Variants in TMEM255B observed in about 807,000 individuals in gnomAD.
TMEM255B encodes the protein transmembrane protein 255B.
A neutral mutation model predicts 34.5 loss-of-function variants in TMEM255B; 35 were observed. The ratio of observed to expected loss-of-function variants is 1.01; its 90% CI spans 0.77 to 1.34. The LOEUF is 1.34. TMEM255B is among the 40% of genes most tolerant of loss of function. TMEM255B has a pLI of 0.00. For synonymous variants in TMEM255B, 206 were observed against 201.2 expected, an observed-to-expected ratio of 1.02 and a Z score of -0.20; for missense variants, 432 against 433.2, an observed-to-expected ratio of 1.00 and a Z score of 0.02.
rs770810753 is a variant in TMEM255B at position 113,812,158 on chromosome 13, G to A, written c.*255G>A. 16 of 523,324 alleles carry A rather than the reference G, an allele frequency of 3.1e-5. No homozygotes were observed. Among genetic ancestry groups the A allele is most frequent in the African/African-American group, 1.0e-4 (5 of 50,130 alleles). The allele number at this position is 523,324 out of a possible 1,614,324, so 32.4% of individuals were successfully genotyped here. A position where few individuals can be genotyped will look rare whatever the true frequency, so the allele number is the denominator to read the frequency against. ...CAAATGGCGCTGAAAGTTCCCACCC[G>A]GCCTCCTCCTCTGAGAGCAATTGTT... On this transcript the variant is annotated 3_prime_UTR_variant, in exon 9 of 9. Transcript: ENST00000375353.
Position 113,769,289 on chromosome 13 carries a change from G to T in TMEM255B, c.252+129G>T, listed in dbSNP as rs1003006575. On this transcript the variant is annotated intron_variant, in intron 3 of 8. Transcript: ENST00000375353. The surrounding 1 kb of genome is among the most constrained non-coding windows in gnomAD (Gnocchi z 4.2). The stretch of plus-strand genomic sequence containing the variant: ...TGGTGTCTACAGGACCAGCTCTGAG[G>T]TTCCCGGGCTGTGGCCTGCACAGTC... 8 of 1,014,012 alleles carry T rather than the reference G, an allele frequency of 7.9e-6. No individual in the cohort carries two copies. Among genetic ancestry groups the T allele is most frequent in the African/African-American group, 1.6e-5 (1 of 63,334 alleles). The allele number at this position is 1,014,012 out of a possible 1,614,324, so 62.8% of individuals were successfully genotyped here.
chr13:113,787,410 C>T (rs936027491), intron 3 of TMEM255B, among the ~76,000 whole-genome samples: 1 of 152,178 alleles, frequency 6.6e-6, no homozygotes, highest in African/African-American at 2.4e-5. Context: ...ACAGAGGCTG[C>T]CTGTTGCTGA....
intron 3 of TMEM255B, among the ~76,000 whole-genome samples, chr13:113,779,252 G>T (rs1594131323): frequency 6.6e-6 from 1 of 152,194 alleles, no homozygotes. Flanking sequence ...TAAAATGGTG[G>T]TGTTTGTCCA....
chr13:113,772,012 G>T (rs183073240), intron 3 of TMEM255B, among the ~76,000 whole-genome samples: 1 of 152,276 alleles, frequency 6.6e-6, no homozygotes, highest in Admixed American at 6.5e-5. Flanking sequence ...ACCAGCACTT[G>T]TCACTGACTG....
At position 113,806,107 on chromosome 13, in the gene TMEM255B, C is replaced by T. The variant is rs1161545849; in HGVS notation, c.813+1079C>T. Among the ~76,000 whole-genome samples the T allele has an allele frequency of 2.6e-5, 4 of 152,236 alleles. No individual in the cohort carries two copies. The highest frequency in any genetic ancestry group is 7.2e-5 in the African/African-American group (3 of 41,458). Reference sequence around the variant, plus strand: ...ACACATGACGTTGTCAGGAAAAGATCTTCCTTAGAGGGACATCCGGGGGAG... The same window carrying T: ...ACACATGACGTTGTCAGGAAAAGATTTTCCTTAGAGGGACATCCGGGGGAG... On this transcript the variant is annotated intron_variant, in intron 8 of 8. Transcript: ENST00000375353. This position sits in a 1 kb window ranked among gnomAD's most constrained non-coding sequence, Gnocchi z 4.2.
chr13:113,768,508 C>T (rs72672432), intron 2 of TMEM255B, among the ~76,000 whole-genome samples: 28,883 of 151,986 alleles, frequency 0.19, 3,208 homozygotes, highest in African/African-American at 0.3. Flanking sequence ...TGCTGCAGCC[C>T]GGGGCCCCCT....
chr13:113,800,129 T>C lies in TMEM255B; in HGVS notation c.424-698T>C, dbSNP rs1342030521. The C allele has an allele frequency of 2.0e-5, 21 of 1,067,992 alleles. No individual in the cohort carries two copies. The Admixed American group carries it at 5.9e-4, about 30-fold the overall frequency. The allele number at this position is 1,067,992 out of a possible 1,614,324, so 66.2% of individuals were successfully genotyped here. A position where few individuals can be genotyped will look rare whatever the true frequency, so the allele number is the denominator to read the frequency against. On this transcript the variant is annotated intron_variant, in intron 5 of 8. Transcript: ENST00000375353. ...GTAGGCAGGAGGCGTCCCGTGTGTGTTTAGGGGGGAGGTGTCCTGTGTGTG... is the reference window on the plus strand; with the variant it reads ...GTAGGCAGGAGGCGTCCCGTGTGTGCTTAGGGGGGAGGTGTCCTGTGTGTG...
chr13:113,770,502 T>C lies in TMEM255B; in HGVS notation c.252+1342T>C, dbSNP rs577454173. Reference sequence around the variant, plus strand: ...AGCCTGACCGTGTGAGGGTGGGAGGTCCCTGGAGGGTTGGGGGTGGCTGCA... The same window carrying C: ...AGCCTGACCGTGTGAGGGTGGGAGGCCCCTGGAGGGTTGGGGGTGGCTGCA... On this transcript the variant is annotated intron_variant, in intron 3 of 8. Coordinates refer to ENST00000375353, the MANE Select transcript of TMEM255B (RefSeq NM_182614.4). The surrounding 1 kb of genome is among the most constrained non-coding windows in gnomAD (Gnocchi z 4.6). 3.2e-4 allele frequency among the ~76,000 whole-genome samples: 49 copies of C among 152,010 alleles called. No homozygotes were observed. The South Asian group carries it at 1.0e-2, about 31-fold the overall frequency.
intron 7 of TMEM255B, 98 bp downstream of exon 7, chr13:113,801,910 C>T: frequency 7.5e-7 from 1 of 1,334,418 alleles, no homozygotes; most frequent in East Asian, 2.6e-5. Flanking sequence ...CCTCACTTTA[C>T]AGATGGGGCA....
intron 5 of TMEM255B, chr13:113,799,889 T>G (rs2051011009): frequency 8.8e-7 from 1 of 1,137,500 alleles, no homozygotes; most frequent in South Asian, 1.3e-5. Flanking sequence ...AGGGCACAGC[T>G]CTGTGACGGC....
At chr13:113,784,159 C>A (rs187088302) in intron 3 of TMEM255B, among the ~76,000 whole-genome samples, 1 of 151,942 alleles carries the variant, frequency 6.6e-6, no homozygotes, top group Non-Finnish European at 1.5e-5. Context: ...GACAGCCGAG[C>A]GGGGAGGGTG....
chr13:113,800,168 GTGTGGAGGTGT>G (rs2051019999), intron 5 of TMEM255B: 1 of 389,668 alleles, frequency 2.6e-6, no homozygotes, highest in Non-Finnish European at 3.5e-6. Context: ...GTGTATGTGT[GTGTGGAGGTGT>G]CCTGTGTGTG....
At chr13:113,803,650 C>A (rs1156837472) in intron 7 of TMEM255B, among the ~76,000 whole-genome samples, 1 of 118,552 alleles carries the variant, frequency 8.4e-6, no homozygotes, top group Non-Finnish European at 2.0e-5. Context: ...CCTGCCCCTC[C>A]CTCACGGAGC....
chr13:113,779,747 A>C (rs1211804975), intron 3 of TMEM255B, among the ~76,000 whole-genome samples: 2 of 152,364 alleles, frequency 1.3e-5, no homozygotes, highest in East Asian at 3.9e-4. Flanking sequence ...GGAAAAATTG[A>C]AAACATTATT....
intron 3 of TMEM255B, among the ~76,000 whole-genome samples, chr13:113,785,886 A>C (rs1248045001): frequency 1.3e-5 from 2 of 152,156 alleles, no homozygotes; most frequent in African/African-American, 2.4e-5. Flanking sequence ...TCCCGGAGCC[A>C]GATGCTTCTC....
chr13:113,792,507 G>A (rs1250502891), intron 3 of TMEM255B, among the ~76,000 whole-genome samples: 1 of 152,218 alleles, frequency 6.6e-6, no homozygotes, highest in Non-Finnish European at 1.5e-5. Flanking sequence ...TCCAGGACTC[G>A]TTCAGGCCTT....
chr13:113,807,387 TCCTC>T (rs1217815059), intron 8 of TMEM255B, among the ~76,000 whole-genome samples: 1 of 111,650 alleles, frequency 9.0e-6, no homozygotes, highest in African/African-American at 3.9e-5. Context: ...GTGGGGGTGG[TCCTC>T]CCTGTCACAC....
Position 113,795,214 on chromosome 13 carries a change from G to T in TMEM255B, c.319G>T (p.Gly107Cys). The stretch of plus-strand genomic sequence containing the variant: ...CGCCTTCTGCTGCGCCATCGTGGAC[G>T]GCGTATTTGCAGCACAGCACATTGT... Reference protein sequence around the residue: ...VAAFCCAIVDGVFAAQHIEPR... With the variant: ...VAAFCCAIVDCVFAAQHIEPR... Residue 107 changes from glycine to cysteine, a missense_variant, in exon 4 of 9, where the codon GGC (glycine) becomes TGC (cysteine). Gly to Cys is a radical substitution (Grantham distance 159). Transcript: ENST00000375353. 6.2e-7 allele frequency: 1 copy of T among 1,613,812 alleles called. No homozygotes were observed. Among genetic ancestry groups the T allele is most frequent in the South Asian group, 1.1e-5 (1 of 91,080 alleles).
rs1217796015 is a variant in TMEM255B, at chr13:113,809,233, G to A, written c.814-2503G>A. On this transcript the variant is annotated intron_variant, in intron 8 of 8. Coordinates refer to ENST00000375353, the MANE Select transcript of TMEM255B (RefSeq NM_182614.4). ...TACTCCATGGTTCTTGGGGATTTAT[G>A]CTGTGGTTCCTGGGGGTTTACTCTG... 2.7e-4 allele frequency among the ~76,000 whole-genome samples: 34 copies of A among 124,298 alleles called. No homozygotes were observed. In the Admixed American group the frequency reaches 2.9e-3, roughly 11 times the overall value. 81.5% of individuals were successfully genotyped at this position (124,298 alleles called of 152,430 possible). A position where few individuals can be genotyped will look rare whatever the true frequency, so the allele number is the denominator to read the frequency against.
Sources: gnomAD v4.1 joint callset for allele counts (sites outside exome capture counted in the v4.1 genomes callset) on GRCh38, gnomAD v4.1.1 for gene constraint, Gnocchi (gnomAD v3.1) non-coding constraint, MANE v1.5 for transcripts, NCBI Gene and HGNC (gene_info 2026-07-23, HGNC 2026-07-21) for gene names.